RSRC1: variants seen among roughly 807,000 people sequenced by gnomAD.
RSRC1 encodes serine/Arginine-related protein 53.
A neutral mutation model predicts 49.1 loss-of-function variants in RSRC1; 39 were observed. The observed-to-expected ratio is 0.79, with a 90% CI of 0.61 to 1.04. RSRC1 has a LOEUF of 1.04. RSRC1 is among the 50% of genes least tolerant of loss of function. The pLI is 0.00. For missense variants in RSRC1, 388 were observed against 402.4 expected, an observed-to-expected ratio of 0.96 and a Z score of 0.31; for synonymous variants, 143 against 130.8, an observed-to-expected ratio of 1.09 and a Z score of -0.63.
chr3:158,148,166 A>T (rs139690560), intron 3 of RSRC1, among the ~76,000 whole-genome samples: 3 of 152,200 alleles, frequency 2.0e-5, no homozygotes, highest in Non-Finnish European at 4.4e-5. Flanking sequence ...AGAGTAAATG[A>T]TATGCTTCCT....
chr3:158,499,069 A>C (rs548835677), intron 7 of RSRC1, among the ~76,000 whole-genome samples: 8 of 152,106 alleles, frequency 5.3e-5, no homozygotes, highest in African/African-American at 1.9e-4. Context: ...TTTTGGTTCC[A>C]TATGAATTTT....
chr3:158,495,029 G>T (rs1739256991), intron 7 of RSRC1, among the ~76,000 whole-genome samples: 1 of 152,140 alleles, frequency 6.6e-6, no homozygotes, highest in Non-Finnish European at 1.5e-5. Flanking sequence ...TATAAGACTG[G>T]CAGCGCTGCT....
intron 7 of RSRC1, among the ~76,000 whole-genome samples, chr3:158,501,798 C>A (rs1242512269): frequency 2.0e-5 from 3 of 152,136 alleles, no homozygotes; most frequent in Admixed American, 2.0e-4. Context: ...AAGTTCTTAT[C>A]CATTCTGCGG....
chr3:158,434,725 T>C (rs1220753675), intron 6 of RSRC1, among the ~76,000 whole-genome samples: 16 of 151,948 alleles, frequency 1.1e-4, no homozygotes, highest in Admixed American at 9.9e-4. Flanking sequence ...AAAAGAAAGC[T>C]CTAACCCCAC....
intron 6 of RSRC1, among the ~76,000 whole-genome samples, chr3:158,388,283 T>C (rs1733070538): frequency 6.6e-6 from 1 of 151,996 alleles, no homozygotes; most frequent in South Asian, 2.1e-4. Flanking sequence ...AATGAGATTA[T>C]TTTTAAATAA....
rs1267488956 is a variant in RSRC1, at chr3:158,248,439, TAA to T, written c.494+45195_494+45196del. On this transcript the variant is annotated intron_variant, in intron 4 of 9. Coordinates refer to ENST00000611884, the MANE Select transcript of RSRC1 (RefSeq NM_001271838.2). ...ACATTTTGTTTTTTCACTCACCTGT[TAA>T]TAAACAGTTGAGTTGTTTTCTGTTT... Among the ~76,000 whole-genome samples, 6 of 151,890 alleles carry T rather than the reference TAA, an allele frequency of 4.0e-5. No individual in the cohort carries two copies. In the East Asian group the frequency reaches 9.6e-4, roughly 24 times the overall value.
At chr3:158,243,598 T>G (rs1441235613) in intron 4 of RSRC1, among the ~76,000 whole-genome samples, 1 of 152,204 alleles carries the variant, frequency 6.6e-6, no homozygotes, top group Non-Finnish European at 1.5e-5. Flanking sequence ...AGTGGTAGTT[T>G]GATAGCAATA....
At chr3:158,329,301 G>T (rs1461489910) in intron 5 of RSRC1, among the ~76,000 whole-genome samples, 2 of 152,188 alleles carry the variant, frequency 1.3e-5, no homozygotes, top group Admixed American at 6.5e-5. Flanking sequence ...CCTTTGGAGG[G>T]GGAGAGGTGC....
intron 7 of RSRC1, chr3:158,469,454 T>C: frequency 2.4e-6 from 1 of 421,480 alleles, no homozygotes; most frequent in Non-Finnish European, 4.7e-6. Flanking sequence ...GATTAGTTAA[T>C]ACCATGCAAA....
At chr3:158,482,765 A>T (rs1171217350) in intron 7 of RSRC1, among the ~76,000 whole-genome samples, 1 of 152,038 alleles carries the variant, frequency 6.6e-6, no homozygotes, top group South Asian at 2.1e-4. Context: ...TAAAGTTATT[A>T]TTTCCCAACC....
intron 5 of RSRC1, among the ~76,000 whole-genome samples, chr3:158,312,213 C>T (rs1454516725): frequency 3.3e-5 from 5 of 151,076 alleles, no homozygotes; most frequent in Non-Finnish European, 7.4e-5. Context: ...GAAAAGCTGT[C>T]ACTGAAAAAA....
intron 6 of RSRC1, among the ~76,000 whole-genome samples, chr3:158,359,607 G>A (rs537551676): frequency 2.0e-5 from 3 of 152,214 alleles, no homozygotes; most frequent in South Asian, 2.1e-4. Context: ...GGTGGCACCC[G>A]GAAGCTTGAA....
intron 4 of RSRC1, among the ~76,000 whole-genome samples, chr3:158,227,034 G>A (rs1722566353): frequency 6.6e-6 from 1 of 151,828 alleles, no homozygotes; most frequent in Non-Finnish European, 1.5e-5. Context: ...GAAAGAGAAA[G>A]TAAGAAAATT....
intron 6 of RSRC1, among the ~76,000 whole-genome samples, chr3:158,453,381 C>T (rs1236833653): frequency 3.2e-5 from 4 of 125,308 alleles, no homozygotes; most frequent in Admixed American, 2.5e-4. Context: ...TAGCCCGGAA[C>T]CTTTTTTTTT....
chr3:158,118,197 G>A (rs943909369), intron 1 of RSRC1, among the ~76,000 whole-genome samples: 3 of 152,086 alleles, frequency 2.0e-5, no homozygotes, highest in African/African-American at 7.2e-5. Flanking sequence ...TGATCTGTTT[G>A]CCTTGGCTGC....
At chr3:158,321,748 G>A (rs555436564) in intron 5 of RSRC1, among the ~76,000 whole-genome samples, 1 of 151,824 alleles carries the variant, frequency 6.6e-6, no homozygotes, top group South Asian at 2.1e-4. Flanking sequence ...TGTTTTTTAG[G>A]AGTTGCTCTA....
At chr3:158,218,561 T>C (rs1722074657) in intron 4 of RSRC1, among the ~76,000 whole-genome samples, 1 of 151,488 alleles carries the variant, frequency 6.6e-6, no homozygotes, top group South Asian at 2.1e-4. Flanking sequence ...ACATACTGAG[T>C]TTGAGGATCT....
chr3:158,540,494 A>C (rs1400198944), intron 8 of RSRC1, among the ~76,000 whole-genome samples: 1 of 152,126 alleles, frequency 6.6e-6, no homozygotes, highest in Admixed American at 6.6e-5. Flanking sequence ...TTTGTCCATG[A>C]GGGAATAAAT....
chr3:158,369,887 A>C (rs1404542240), intron 6 of RSRC1, among the ~76,000 whole-genome samples: 2 of 152,064 alleles, frequency 1.3e-5, no homozygotes, highest in African/African-American at 4.8e-5. Context: ...GTGTTCAAAT[A>C]ATTTCTGGCA....
Sources: gnomAD v4.1 joint callset for allele counts (sites outside exome capture counted in the v4.1 genomes callset) on GRCh38, gnomAD v4.1.1 for gene constraint, MANE v1.5 for transcripts, NCBI Gene and HGNC (gene_info 2026-07-23, HGNC 2026-07-21) for gene names.